POR: variants seen among roughly 807,000 people sequenced by gnomAD.
POR encodes the protein cytochrome p450 oxidoreductase, also known as NADPH--cytochrome P450 reductase.
POR carries 56 observed loss-of-function variants against 84.0 expected under a neutral mutation model. The ratio of observed to expected loss-of-function variants is 0.67; its 90% confidence interval spans 0.54 to 0.83. POR has a LOEUF of 0.83. Among genes scored for constraint, POR ranks in the 40% least tolerant of loss-of-function variants. The pLI is 0.00. For synonymous variants in POR, 414 were observed against 400.5 expected (o/e 1.03, Z -0.40); for missense variants, 938 against 944.3 (o/e 0.99, Z 0.09).
chr7:75,984,415 C>T (rs1641635431), intron 10 of POR, among the ~76,000 whole-genome samples: 1 of 152,216 alleles, frequency 6.6e-6, no homozygotes, highest in Admixed American at 6.5e-5. Context: ...CGGTCCTCAG[C>T]TGCCATGCCA....
intron 2 of POR, among the ~76,000 whole-genome samples, chr7:75,970,130 C>T (rs1289926690): frequency 6.6e-6 from 1 of 152,056 alleles, no homozygotes; most frequent in African/African-American, 2.4e-5. Flanking sequence ...GGCCGGGCCA[C>T]TGCGGGAGGG....
intron 1 of POR, among the ~76,000 whole-genome samples, chr7:75,953,565 C>T (rs556936214): frequency 1.1e-4 from 16 of 152,218 alleles, no homozygotes; most frequent in African/African-American, 3.9e-4. Flanking sequence ...GCAACCCCCG[C>T]CAGCCACACA....
intron 1 of POR, chr7:75,921,251 TG>T (rs1231232682): frequency 2.1e-5 from 3 of 145,318 alleles, no homozygotes; most frequent in Non-Finnish European, 4.5e-5. Flanking sequence ...CACCAAGTCC[TG>T]TAAGTTTTTA....
At chr7:75,932,779 G>T (rs1221813646) in intron 1 of POR, among the ~76,000 whole-genome samples, 1 of 152,052 alleles carries the variant, frequency 6.6e-6, no homozygotes, top group Non-Finnish European at 1.5e-5. Flanking sequence ...CAGCACTTTG[G>T]GAGGCCGAGG....
At chr7:75,918,694 A>G (rs1806698467) in intron 1 of POR, 1 of 152,200 alleles carries the variant, frequency 6.6e-6, no homozygotes, top group Non-Finnish European at 1.5e-5. Flanking sequence ...TTCAACAAGA[A>G]TGGCACGGTG....
chr7:75,938,441 C>G (rs1181380955), intron 1 of POR, among the ~76,000 whole-genome samples: 2 of 152,172 alleles, frequency 1.3e-5, no homozygotes, highest in African/African-American at 4.8e-5. Context: ...TAGGCCCTTA[C>G]GCACTCATCT....
chr7:75,980,509 T>G (rs1318120729), intron 5 of POR, 21 bp downstream of exon 5: 1 of 1,612,642 alleles, frequency 6.2e-7, no homozygotes, highest in Admixed American at 1.7e-5. Context: ...CAGAGACTGC[T>G]ATGGGCTCCC....
chr7:75,935,288 C>T (rs62475266), intron 1 of POR, among the ~76,000 whole-genome samples: 3,122 of 152,078 alleles, frequency 0.021, 47 homozygotes, highest in Middle Eastern at 0.065. Context: ...TATGGGAGGC[C>T]GAGGTGGGAG....
chr7:75,924,964 C>T (rs553664950), intron 1 of POR, among the ~76,000 whole-genome samples: 1 of 152,250 alleles, frequency 6.6e-6, no homozygotes, highest in African/African-American at 2.4e-5. Context: ...TATAGCTCAA[C>T]TGGGTTGTGA....
intron 1 of POR, among the ~76,000 whole-genome samples, chr7:75,924,300 AT>A (rs1273721013): frequency 2.0e-5 from 3 of 152,226 alleles, no homozygotes; most frequent in African/African-American, 7.2e-5. Context: ...TTCAGTAATC[AT>A]TTTATAATTG....
chr7:75,986,131 C>T (rs1554559364), intron 14 of POR, 28 bp from the exon 15 acceptor site: 7 of 1,593,214 alleles, frequency 4.4e-6, no homozygotes, highest in Admixed American at 3.5e-5. Flanking sequence ...CCACAGTGCC[C>T]CCCTCACAGC....
chr7:75,981,736 GACC>G, intron 7 of POR, 130 bp downstream of exon 7: 5 of 776,918 alleles, frequency 6.4e-6, no homozygotes, highest in Non-Finnish European at 1.0e-5. Flanking sequence ...GTCGAGGAGG[GACC>G]TTGGTCCCAG....
intron 1 of POR, among the ~76,000 whole-genome samples, chr7:75,936,482 A>G (rs1163621289): frequency 6.6e-6 from 1 of 152,040 alleles, no homozygotes; most frequent in African/African-American, 2.4e-5. Context: ...TTTGATGTTC[A>G]ATGTGGAGCT....
Position 75,983,772 on chromosome 7 carries a change from G to A in POR, c.982G>A (p.Ala328Thr), listed in dbSNP as rs1789219518. 1.2e-6 allele frequency: 2 copies of A among 1,612,088 alleles called. No homozygotes were observed. Among genetic ancestry groups the A allele is most frequent in the East Asian group, 2.2e-5 (1 of 44,866 alleles). Residue 328 changes from alanine to threonine, a missense_variant, in exon 10 of 16, where the codon GCC becomes ACC. Coordinates refer to ENST00000461988, the MANE Select transcript of POR (RefSeq NM_000941.3). The stretch of plus-strand genomic sequence containing the variant: ...TGGGGACCACGTGGCTGTGTACCCA[G>A]CCAACGACTCTGCTCTCGTCAACCA...
intron 1 of POR, among the ~76,000 whole-genome samples, chr7:75,926,329 G>C (rs1469649893): frequency 6.6e-6 from 1 of 151,966 alleles, no homozygotes; most frequent in Non-Finnish European, 1.5e-5. Flanking sequence ...TGAAAAGCTT[G>C]GCTTGGTTTC....
At chr7:75,985,286 A>G in intron 12 of POR, 79 bp downstream of exon 12, 2 of 1,444,864 alleles carry the variant, frequency 1.4e-6, no homozygotes, top group Non-Finnish European at 1.8e-6. Flanking sequence ...AAGGCGGCAC[A>G]GGAGCTCCGA....
At chr7:75,930,684 G>A (rs1032080593) in intron 1 of POR, among the ~76,000 whole-genome samples, 27 of 151,900 alleles carry the variant, frequency 1.8e-4, no homozygotes, top group African/African-American at 4.8e-4. Flanking sequence ...CACCACGCCC[G>A]TCTAATTTTG....
rs781939968 is a variant in POR, at chr7:75,985,659, C to T, written c.1479C>T (p.Ala493=). 5.6e-6 allele frequency: 9 copies of T among 1,594,486 alleles called. No homozygotes were observed. The South Asian group carries it at 8.0e-5, about 14-fold the overall frequency. The stretch of plus-strand genomic sequence containing the variant: ...CTGGCCGCATCAACAAGGGCGTGGC[C>T]ACCAACTGGCTGCGGGCCAAGGAGC... The change falls in exon 13 of 16, where the codon GCC becomes GCT. Residue 493 remains alanine (A), a synonymous_variant. Coordinates refer to ENST00000461988, the MANE Select transcript of POR (RefSeq NM_000941.3).
intron 2 of POR, 87 bp from the exon 3 acceptor site, chr7:75,972,326 A>ACCTG: frequency 8.4e-7 from 1 of 1,195,788 alleles, no homozygotes; most frequent in Non-Finnish European, 1.2e-6. Flanking sequence ...ATCCCATGAA[A>ACCTG]CCTGCATCTA....
Sources: gnomAD v4.1 joint callset for allele counts (sites outside exome capture counted in the v4.1 genomes callset) on GRCh38, gnomAD v4.1.1 for gene constraint, MANE v1.5 for transcripts, NCBI Gene and HGNC (gene_info 2026-07-23, HGNC 2026-07-21) for gene names.